Variants in CNTN5 observed in about 807,000 individuals in gnomAD.
CNTN5 encodes the protein contactin-5.
A neutral mutation model predicts 129.1 loss-of-function variants in CNTN5; 77 were observed. The ratio of observed to expected loss-of-function variants is 0.60; its 90% CI spans 0.50 to 0.72. The LOEUF is 0.72. CNTN5 is among the 30% of genes least tolerant of loss of function. CNTN5 has a pLI of 0.00. For synonymous variants in CNTN5, 509 were observed against 465.6 expected, an observed-to-expected ratio of 1.09 and a Z score of -1.20; for missense variants, 1,478 against 1,328.8, an observed-to-expected ratio of 1.11 and a Z score of -1.75.
intron 3 of CNTN5, among the ~76,000 whole-genome samples, chr11:99,716,876 T>C (rs925686633): frequency 6.6e-6 from 1 of 152,116 alleles, no homozygotes; most frequent in Non-Finnish European, 1.5e-5. Context: ...TCAAGCATTA[T>C]GCTAAGTGCA....
rs141337730 is a variant in CNTN5, at chr11:99,781,021, A to C, written c.56-38523A>C. ...CATGTTCCCATAAAAATATTGGTAGATGCTAATTGATCATGTTGTCTTTGT... is the reference window on the plus strand; with the variant it reads ...CATGTTCCCATAAAAATATTGGTAGCTGCTAATTGATCATGTTGTCTTTGT... On this transcript the variant is annotated intron_variant, in intron 3 of 24. Transcript: ENST00000524871. Among the ~76,000 whole-genome samples the C allele has an allele frequency of 1.2e-3, 188 of 152,220 alleles. 3 individuals carry two copies. In the Middle Eastern group the frequency reaches 0.031, roughly 25 times the overall value.
intron 7 of CNTN5, among the ~76,000 whole-genome samples, chr11:99,925,501 A>G (rs1023759460): frequency 1.3e-5 from 2 of 152,150 alleles, no homozygotes; most frequent in Non-Finnish European, 2.9e-5. Context: ...ATAATAGTCA[A>G]AATGCAATGG....
chr11:99,539,736 C>T (rs1948032610), intron 2 of CNTN5, among the ~76,000 whole-genome samples: 1 of 152,056 alleles, frequency 6.6e-6, no homozygotes, highest in Non-Finnish European at 1.5e-5. Flanking sequence ...TAATATTGCA[C>T]ATACTTCCCA....
intron 1 of CNTN5, among the ~76,000 whole-genome samples, chr11:99,257,417 A>G (rs1435021275): frequency 6.6e-6 from 1 of 152,050 alleles, no homozygotes; most frequent in Non-Finnish European, 1.5e-5. Context: ...CTAGTTTGTC[A>G]AACTATCCAT....
At chr11:99,085,830 T>C (rs7482035) in intron 1 of CNTN5, among the ~76,000 whole-genome samples, 1,729 of 152,184 alleles carry the variant, frequency 0.011, 47 homozygotes, top group African/African-American at 0.039. Context: ...AGTTGAAAAA[T>C]TCCCCCCTCC....
chr11:99,341,967 A>C (rs1468988835), intron 2 of CNTN5, among the ~76,000 whole-genome samples: 1 of 152,204 alleles, frequency 6.6e-6, no homozygotes, highest in East Asian at 1.9e-4. Context: ...ACAATAATCC[A>C]GATTTGAATT....
At chr11:100,189,450 A>C (rs10128538) in intron 13 of CNTN5, among the ~76,000 whole-genome samples, 35 of 151,928 alleles carry the variant, frequency 2.3e-4, no homozygotes, top group Non-Finnish European at 7.4e-5. Flanking sequence ...TGACACATTT[A>C]TTTCTTTAAA....
intron 1 of CNTN5, among the ~76,000 whole-genome samples, chr11:99,047,290 A>C (rs1277611682): frequency 1.3e-5 from 2 of 151,766 alleles, no homozygotes; most frequent in Non-Finnish European, 2.9e-5. Flanking sequence ...CTTCTACTCT[A>C]ACTTCTTTCT....
At chr11:99,373,964 A>G (rs191253938) in intron 2 of CNTN5, among the ~76,000 whole-genome samples, 106 of 152,302 alleles carry the variant, frequency 7.0e-4, no homozygotes, top group Non-Finnish European at 1.1e-3. Flanking sequence ...TATCAAATCA[A>G]ATAACATTAG....
chr11:99,398,302 A>G lies in CNTN5; in HGVS notation c.-71+72818A>G, dbSNP rs372489373. Reference sequence around the variant, plus strand: ...CGTTTTTTCTCACCTCTTTTCCTGAATTTATTCTATACATTTGTAATATAT... The same window carrying G: ...CGTTTTTTCTCACCTCTTTTCCTGAGTTTATTCTATACATTTGTAATATAT... On this transcript the variant is annotated intron_variant, in intron 2 of 24. Coordinates refer to ENST00000524871, the MANE Select transcript of CNTN5 (RefSeq NM_014361.4). Among the ~76,000 whole-genome samples the G allele has an allele frequency of 5.3e-5, 8 of 151,958 alleles. No individual in the cohort carries two copies. The East Asian group carries it at 1.2e-3, about 22-fold the overall frequency.
At chr11:99,618,731 T>C (rs1048797202) in intron 3 of CNTN5, among the ~76,000 whole-genome samples, 1 of 151,822 alleles carries the variant, frequency 6.6e-6, no homozygotes, top group East Asian at 1.9e-4. Context: ...GTGTCTGTTA[T>C]ACCAGGCTAA....
chr11:100,275,328 G>A (rs927793545), intron 18 of CNTN5, among the ~76,000 whole-genome samples: 11 of 152,222 alleles, frequency 7.2e-5, no homozygotes, highest in Admixed American at 6.5e-4. Flanking sequence ...TAACAGGTTA[G>A]TTGTTCTTCA....
chr11:100,149,903 A>AAAAAGAAAAG (rs1555022275), intron 13 of CNTN5, among the ~76,000 whole-genome samples: 1 of 150,064 alleles, frequency 6.7e-6, no homozygotes, highest in African/African-American at 2.5e-5. Flanking sequence ...CAAAAAAAAA[A>AAAAAGAAAAG]AAAAGAAAAG....
intron 6 of CNTN5, among the ~76,000 whole-genome samples, chr11:99,906,996 C>CTA (rs1949525816): frequency 6.6e-6 from 1 of 151,842 alleles, no homozygotes; most frequent in South Asian, 2.1e-4. Flanking sequence ...TTTATTGTGT[C>CTA]TATTTGATTC....
intron 3 of CNTN5, among the ~76,000 whole-genome samples, chr11:99,617,581 T>G (rs1307498332): frequency 6.6e-6 from 1 of 152,146 alleles, no homozygotes; most frequent in African/African-American, 2.4e-5. Context: ...TTTTCCTCAA[T>G]GACAACTTAT....
intron 2 of CNTN5, among the ~76,000 whole-genome samples, chr11:99,336,695 C>G (rs1410341520): frequency 6.6e-6 from 1 of 151,910 alleles, no homozygotes; most frequent in African/African-American, 2.4e-5. Context: ...CGACAATTAG[C>G]TGGGCATGGT....
At chr11:99,556,554 A>AATATATATATATATATATAT (rs199758207) in intron 3 of CNTN5, among the ~76,000 whole-genome samples, 10 of 72,332 alleles carry the variant, frequency 1.4e-4, no homozygotes, top group East Asian at 3.2e-4. Flanking sequence ...AAGGCTTGGA[A>AATATATATATATATATATAT]ATATATATAT....
Position 100,350,688 on chromosome 11 carries a change from G to T in CNTN5, c.3031-14G>T. 5 of 1,592,294 alleles carry T rather than the reference G, an allele frequency of 3.1e-6. No homozygotes were observed. The highest frequency in any genetic ancestry group is 4.3e-6 in the Non-Finnish European group (5 of 1,166,876). On this transcript the variant is annotated splice_polypyrimidine_tract_variant and intron_variant, in intron 23 of 24. Transcript: ENST00000524871. ...CTTTCATATCAAATGTCTAAACCTTGTTATTACTCTCAGGTTTTTTATAGG... is the reference window on the plus strand; with the variant it reads ...CTTTCATATCAAATGTCTAAACCTTTTTATTACTCTCAGGTTTTTTATAGG...
chr11:100,318,174 G>A (rs185144500), intron 21 of CNTN5, among the ~76,000 whole-genome samples: 3 of 140,342 alleles, frequency 2.1e-5, no homozygotes, highest in African/African-American at 5.3e-5. Flanking sequence ...CCGGGAGGCC[G>A]AACTTGCAGT....
Sources: allele counts gnomAD v4.1 joint callset (sites outside exome capture counted in the v4.1 genomes callset), GRCh38; gene constraint gnomAD v4.1.1; transcripts MANE v1.5; gene names NCBI Gene and HGNC (gene_info 2026-07-23, HGNC 2026-07-21).